UNC45A: variants seen among roughly 807,000 people sequenced by gnomAD.
The protein encoded by UNC45A is protein unc-45 homolog A.
In UNC45A, 78 loss-of-function variants were observed where a neutral mutation model predicts 103.2. The ratio of observed to expected loss-of-function variants is 0.76; its 90% CI spans 0.63 to 0.91. The LOEUF is 0.91. Among genes scored for constraint, UNC45A ranks in the 40% least tolerant of loss-of-function variants. The probability of loss-of-function intolerance (pLI) is 0.00; values close to 1 mark genes in which losing one functional copy is unlikely to be tolerated. For synonymous variants in UNC45A, 495 were observed against 504.6 expected (o/e 0.98, Z 0.25); for missense variants, 1,193 against 1,224.8 (o/e 0.97, Z 0.39).
At position 90,935,551 on chromosome 15, in the gene UNC45A, C is replaced by T. The variant is rs772734941; in HGVS notation, c.59C>T (p.Ser20Leu). The T allele has an allele frequency of 5.6e-6, 9 of 1,604,934 alleles. No individual in the cohort carries two copies. The highest frequency in any genetic ancestry group is 7.7e-6 in the Non-Finnish European group (9 of 1,175,606). ...CCCCCTTTCTCTCTACAGGCCAGCT[C>T]AGTGGAGCAGCTGCGGAAGGAGGGC... The part of the protein sequence containing the change: ...EPRPATPGAS[S>L]VEQLRKEGNE... The change falls in exon 2 of 20, where the codon TCA becomes TTA. Residue 20 changes from serine (S) to leucine (L), a missense_variant. Physicochemically the swap from Ser to Leu is moderately radical, Grantham distance 145 (BLOSUM62 -2). Coordinates refer to ENST00000418476, the MANE Select transcript of UNC45A (RefSeq NM_018671.5).
At chr15:90,950,431 C>T in intron 16 of UNC45A, 69 bp from the exon 17 acceptor site, 4 of 1,551,734 alleles carry the variant, frequency 2.6e-6, no homozygotes, top group South Asian at 1.1e-5. Context: ...GTGGGCTTCT[C>T]CCTGCAGGGT....
At chr15:90,949,214 T>C in intron 13 of UNC45A, 102 bp from the exon 14 acceptor site, 1 of 1,484,212 alleles carries the variant, frequency 6.7e-7, no homozygotes, top group East Asian at 2.3e-5. Context: ...TCCTTTTGTC[T>C]GGCTGTTTTA....
chr15:90,936,080 C>G, intron 3 of UNC45A, 98 bp downstream of exon 3: 1 of 1,572,132 alleles, frequency 6.4e-7, no homozygotes, highest in Admixed American at 1.9e-5. Flanking sequence ...CCTTTGGCCC[C>G]AGAGACACAT....
intron 4 of UNC45A, 54 bp downstream of exon 4, chr15:90,936,514 G>A: frequency 6.3e-7 from 1 of 1,587,268 alleles, no homozygotes; most frequent in Non-Finnish European, 8.6e-7. Context: ...AAGGGGTCTG[G>A]GCCAGGGGTG....
chr15:90,939,550 G>C (rs1040184595), intron 4 of UNC45A, among the ~76,000 whole-genome samples, 181 bp from the exon 5 acceptor site: 1 of 152,206 alleles, frequency 6.6e-6, no homozygotes. Context: ...AAACAGGTGC[G>C]GGAAATTTAG....
upstream of UNC45A, chr15:90,932,562 T>G (rs2035842814): frequency 7.3e-6 from 9 of 1,232,174 alleles, no homozygotes; most frequent in Non-Finnish European, 9.2e-6. Flanking sequence ...GGCCGACGAC[T>G]GCGGCCGCAG....
Position 90,952,996 on chromosome 15 carries a change from A to G in UNC45A, c.2371A>G (p.Ile791Val), listed in dbSNP as rs1194624478. 1 of 1,613,518 alleles carries G rather than the reference A, an allele frequency of 6.2e-7. No homozygotes were observed. The highest frequency in any genetic ancestry group is 1.3e-5 in the African/African-American group (1 of 74,938). ...CTACATGTTTGAGGAGCATGAGATG[A>G]TCCGCCGGGCAGCCACGGAGTGCAT... ...EGYMFEEHEMIRRAATECMCN... is the reference protein window; with the variant it reads ...EGYMFEEHEMVRRAATECMCN... Residue 791 changes from isoleucine to valine, a missense_variant, in exon 18 of 20, where the codon ATC becomes GTC. Ile to Val is a conservative substitution (Grantham distance 29). Coordinates refer to ENST00000418476, the MANE Select transcript of UNC45A (RefSeq NM_018671.5).
At chr15:90,942,659 G>T (rs986089120) in intron 7 of UNC45A, 54 bp downstream of exon 7, 1 of 1,611,954 alleles carries the variant, frequency 6.2e-7, no homozygotes, top group African/African-American at 1.3e-5. Context: ...GGAAGGGATG[G>T]GGCTGAGCCA....
intron 4 of UNC45A, among the ~76,000 whole-genome samples, chr15:90,936,757 G>T (rs142539523): frequency 6.6e-6 from 1 of 152,194 alleles, no homozygotes; most frequent in African/African-American, 2.4e-5. Flanking sequence ...AGCTCTTTTC[G>T]AGAGTACTTT....
intron 8 of UNC45A, among the ~76,000 whole-genome samples, chr15:90,944,515 T>C (rs375532084): frequency 3.9e-5 from 6 of 152,192 alleles, no homozygotes; most frequent in African/African-American, 1.2e-4. Context: ...GTGTTCACAG[T>C]GGTCCCACGA....
chr15:90,942,447 C>T lies in UNC45A; in HGVS notation c.698C>T (p.Thr233Ile), dbSNP rs1362471528. The part of the protein sequence containing the change: ...CSEHQSRTVA[T>I]LSILGTRRVV... The stretch of plus-strand genomic sequence containing the variant: ...CCTCTCCCACCCCAGACAGTGGCAA[C>T]CCTGAGCATACTGGGAACTCGGCGA... The change falls in exon 7 of 20, where the codon ACC becomes ATC. Residue 233 changes from threonine (T) to isoleucine (I), a missense_variant. Physicochemically the swap from Thr to Ile is moderately conservative, Grantham distance 89. Transcript: ENST00000418476. The T allele has an allele frequency of 1.9e-6, 3 of 1,612,422 alleles. No homozygotes were observed. The South Asian group carries it at 3.3e-5, about 18-fold the overall frequency.
upstream of UNC45A, chr15:90,931,212 G>T: frequency 6.5e-7 from 1 of 1,528,008 alleles, no homozygotes; most frequent in South Asian, 1.2e-5. Context: ...AAAAGATGGC[G>T]TATGAATCCT....
chr15:90,941,528 G>A (rs975065097), intron 6 of UNC45A, among the ~76,000 whole-genome samples: 1 of 152,196 alleles, frequency 6.6e-6, no homozygotes, highest in African/African-American at 2.4e-5. Flanking sequence ...TTAAAAGCAT[G>A]TGCATTCTGT....
rs112020564 is a variant in UNC45A, at chr15:90,941,686, G to A, written c.688-751G>A. 4.2e-3 allele frequency among the ~76,000 whole-genome samples: 637 copies of A among 152,192 alleles called. 5 individuals carry two copies. Among genetic ancestry groups the A allele is most frequent in the African/African-American group, 0.014 (600 of 41,522 alleles). ...AGAAACAGGGTGGAGAGGGCCCGGC[G>A]CGGTGGCTCATGCCTGTAATCCCAG... On this transcript the variant is annotated intron_variant, in intron 6 of 19. Transcript: ENST00000418476.
chr15:90,946,875 G>C lies in UNC45A; in HGVS notation c.1461G>C (p.Lys487Asn), dbSNP rs760068784. The C allele has an allele frequency of 1.2e-6, 2 of 1,611,694 alleles. No homozygotes were observed. The highest frequency in any genetic ancestry group is 2.2e-5 in the South Asian group (2 of 91,044). Residue 487 changes from lysine to asparagine, a missense_variant, in exon 10 of 20, where the codon AAG (lysine) becomes AAC (asparagine). Coordinates refer to ENST00000418476, the MANE Select transcript of UNC45A (RefSeq NM_018671.5). ...TCTCGCTGCTGAAGGACCTATATAA[G>C]TGCAGCGAGAAGGACAGCATCCGCA... is the stretch of plus-strand genomic sequence containing the variant. ...NGVSLLKDLY[K>N]CSEKDSIRIR...
At position 90,935,589 on chromosome 15, in the gene UNC45A, A is replaced by G. The variant is rs2035968440; in HGVS notation, c.97A>G (p.Lys33Glu). 1 of 1,613,222 alleles carries G rather than the reference A, an allele frequency of 6.2e-7. No individual in the cohort carries two copies. The change falls in exon 2 of 20, where the codon AAA becomes GAA. Residue 33 changes from lysine (K) to glutamate (E), a missense_variant. By Grantham distance (56) the Lys-to-Glu change is moderately conservative (BLOSUM62 1). Coordinates refer to ENST00000418476, the MANE Select transcript of UNC45A (RefSeq NM_018671.5). ...GCGGAAGGAGGGCAATGAGCTGTTC[A>G]AATGTGGAGACTACGGGGGCGCCCT... is the stretch of plus-strand genomic sequence containing the variant. ...QLRKEGNELF[K>E]CGDYGGALAA...
chr15:90,932,170 T>C (rs528643436), upstream of UNC45A: 5 of 1,527,418 alleles, frequency 3.3e-6, no homozygotes, highest in Admixed American at 4.0e-5. Flanking sequence ...CGGTGTGTTG[T>C]GGGTTTTGGA....
Position 90,946,843 on chromosome 15 carries a change from A to C in UNC45A, c.1429A>C (p.Asn477His). The change falls in exon 10 of 20, where the codon AAT becomes CAT. Residue 477 changes from asparagine (N) to histidine (H), a missense_variant. Coordinates refer to ENST00000418476, the MANE Select transcript of UNC45A (RefSeq NM_018671.5). The part of the protein sequence containing the change: ...KAKRASFITA[N>H]GVSLLKDLYK... Reference sequence around the variant, plus strand: ...TAAGCGGGCCTCATTCATCACTGCCAATGGTGTCTCGCTGCTGAAGGACCT... The same window carrying C: ...TAAGCGGGCCTCATTCATCACTGCCCATGGTGTCTCGCTGCTGAAGGACCT... 3.1e-6 allele frequency: 5 copies of C among 1,613,894 alleles called. No individual in the cohort carries two copies. The highest frequency in any genetic ancestry group is 4.2e-6 in the Non-Finnish European group (5 of 1,179,848).
chr15:90,949,317 A>T lies in UNC45A; in HGVS notation c.1880A>T (p.Asp627Val), dbSNP rs1336482807. The T allele has an allele frequency of 6.2e-7, 1 of 1,611,342 alleles. No homozygotes were observed. Among genetic ancestry groups the T allele is most frequent in the South Asian group, 1.1e-5 (1 of 91,056 alleles). Residue 627 changes from aspartate (D) to valine (V), a missense_variant and splice_region_variant, in exon 14 of 20, where the codon GAC becomes GTC. Coordinates refer to ENST00000418476, the MANE Select transcript of UNC45A (RefSeq NM_018671.5). The stretch of plus-strand genomic sequence containing the variant: ...CTCCTAAGCTGCCTCCTCCCCCAGG[A>T]CAAGCCAAGCTTCGTGCGGGCTCGG... ...KQHVPEQHPK[D>V]KPSFVRARVK...
Sources: allele counts gnomAD v4.1 joint callset (sites outside exome capture counted in the v4.1 genomes callset), GRCh38; gene constraint gnomAD v4.1.1; transcripts MANE v1.5; gene names NCBI Gene and HGNC (gene_info 2026-07-23, HGNC 2026-07-21).